The following ABLIM1 variants were observed in gnomAD, a reference collection of about 807,000 sequenced individuals.
ABLIM1 encodes the protein actin-binding LIM protein 1.
In ABLIM1, 40 loss-of-function variants were observed where a neutral mutation model predicts 107.0. The ratio of observed to expected loss-of-function variants is 0.37; its 90% CI spans 0.29 to 0.49. The LOEUF is 0.49. Ranked by LOEUF, ABLIM1 falls within the 20% of genes least tolerant of loss-of-function variation. The pLI is 0.97. For synonymous variants in ABLIM1, 357 were observed against 357.3 expected (o/e 1.00, Z 0.01); for missense variants, 857 against 1,008.5 (o/e 0.85, Z 2.04).
At chr10:114,474,632 C>A (rs901739051) in intron 8 of ABLIM1, among the ~76,000 whole-genome samples, 4 of 152,070 alleles carry the variant, frequency 2.6e-5, no homozygotes, top group Non-Finnish European at 5.9e-5. Context: ...TGCCCGCCTC[C>A]ACCTCCCCAA....
intron 6 of ABLIM1, among the ~76,000 whole-genome samples, chr10:114,504,394 T>C (rs1258565708): frequency 6.8e-6 from 1 of 146,392 alleles, no homozygotes; most frequent in Non-Finnish European, 1.5e-5. Flanking sequence ...CCCAACATCC[T>C]GCTACATGTT....
intron 12 of ABLIM1, among the ~76,000 whole-genome samples, chr10:114,462,678 GTTGCGTA>G (rs1245826854): frequency 2.6e-5 from 4 of 151,930 alleles, no homozygotes; most frequent in African/African-American, 9.7e-5. Context: ...GCTGAGACAC[GTTGCGTA>G]TTGAACCCAG....
intron 1 of ABLIM1, among the ~76,000 whole-genome samples, chr10:114,712,201 A>C (rs960050541): frequency 6.6e-6 from 1 of 151,856 alleles, no homozygotes; most frequent in African/African-American, 2.4e-5. Context: ...GAAAATACAA[A>C]AATTAGCCAG....
intron 1 of ABLIM1, among the ~76,000 whole-genome samples, chr10:114,651,786 C>A (rs934023483): frequency 3.9e-5 from 6 of 152,172 alleles, no homozygotes; most frequent in Non-Finnish European, 8.8e-5. Context: ...AACTGGCCAC[C>A]ACCTATCATC....
chr10:114,531,806 G>T (rs988588549), intron 6 of ABLIM1, among the ~76,000 whole-genome samples: 2 of 151,162 alleles, frequency 1.3e-5, no homozygotes, highest in African/African-American at 4.9e-5. Flanking sequence ...GTGAGCCACC[G>T]CCCTCCACCA....
At chr10:114,649,169 G>A (rs574864179) in intron 1 of ABLIM1, among the ~76,000 whole-genome samples, 6 of 152,006 alleles carry the variant, frequency 3.9e-5, no homozygotes, top group South Asian at 4.2e-4. Context: ...AGGCCGAGGC[G>A]GGCAGGTCAT....
chr10:114,732,062 A>G (rs1009214118), intron 1 of ABLIM1, among the ~76,000 whole-genome samples: 12 of 150,586 alleles, frequency 8.0e-5, no homozygotes, highest in African/African-American at 2.7e-4. Flanking sequence ...TAGTGTTCCA[A>G]TTTCTCTATA....
chr10:114,589,756 A>T (rs910103640), intron 2 of ABLIM1, among the ~76,000 whole-genome samples: 1 of 152,184 alleles, frequency 6.6e-6, no homozygotes, highest in Non-Finnish European at 1.5e-5. Context: ...ATGTTTTACA[A>T]AAGAGTCAAA....
At chr10:114,597,562 G>T (rs1318898623) in intron 2 of ABLIM1, among the ~76,000 whole-genome samples, 1 of 150,556 alleles carries the variant, frequency 6.6e-6, no homozygotes, top group Non-Finnish European at 1.5e-5. Context: ...GAGAAGGGAA[G>T]AAAAGGAAAG....
intron 2 of ABLIM1, among the ~76,000 whole-genome samples, chr10:114,589,188 C>A (rs1327788891): frequency 6.8e-6 from 1 of 146,484 alleles, no homozygotes; most frequent in Non-Finnish European, 1.5e-5. Flanking sequence ...CTGTACGATG[C>A]GTGTGTGTGT....
chr10:114,480,724 C>T (rs566060567), intron 8 of ABLIM1, among the ~76,000 whole-genome samples: 1 of 152,300 alleles, frequency 6.6e-6, no homozygotes, highest in South Asian at 2.1e-4. Flanking sequence ...TAAGAACCTT[C>T]TTGTTGATAT....
chr10:114,437,337 T>C (rs1182965782), intron 22 of ABLIM1, among the ~76,000 whole-genome samples: 1 of 151,118 alleles, frequency 6.6e-6, no homozygotes, highest in Admixed American at 6.6e-5. Flanking sequence ...TTTTTTTTTT[T>C]AGACGGAGTC....
At chr10:114,769,467 GAA>G (rs1394827197), upstream of ABLIM1, among the ~76,000 whole-genome samples, 2 of 84,610 alleles carry the variant, frequency 2.4e-5, no homozygotes, top group Admixed American at 1.1e-4. Flanking sequence ...AAGAAAGAAA[GAA>G]AGAAAGAAAG....
intron 6 of ABLIM1, chr10:114,526,799 T>C (rs2136785584): frequency 1.0e-6 from 1 of 985,518 alleles, no homozygotes; most frequent in Non-Finnish European, 1.2e-6. Flanking sequence ...GGCTCCCACC[T>C]GCCTGGGTTA....
intron 13 of ABLIM1, 33 bp downstream of exon 13, chr10:114,453,346 G>A (rs776307321): frequency 2.5e-6 from 4 of 1,601,250 alleles, no homozygotes; most frequent in Non-Finnish European, 1.7e-6. Context: ...CACTGTGACA[G>A]GACACCAAGA....
chr10:114,577,832 T>G (rs888590985), intron 2 of ABLIM1, among the ~76,000 whole-genome samples: 33 of 152,156 alleles, frequency 2.2e-4, no homozygotes, highest in African/African-American at 7.7e-4. Context: ...TTGATGTGAC[T>G]CCCAGAGGCA....
chr10:114,474,064 A>T (rs1352810747), intron 8 of ABLIM1, 108 bp from the exon 9 acceptor site: 3 of 756,048 alleles, frequency 4.0e-6, no homozygotes, highest in Non-Finnish European at 6.5e-6. Flanking sequence ...AAAAAGAAAC[A>T]CTTATCACCT....
At chr10:114,440,011 C>G in intron 20 of ABLIM1, 71 bp downstream of exon 20, 1 of 1,611,862 alleles carries the variant, frequency 6.2e-7, no homozygotes, top group South Asian at 1.1e-5. Flanking sequence ...TGCCTTGGAG[C>G]CAGCAGTCTG....
At chr10:114,642,945 C>T (rs1481123406) in intron 1 of ABLIM1, among the ~76,000 whole-genome samples, 5 of 152,044 alleles carry the variant, frequency 3.3e-5, no homozygotes, top group African/African-American at 1.2e-4. Context: ...CGAGAACCTG[C>T]CAAAAGAACC....
Sources: allele counts gnomAD v4.1 joint callset (sites outside exome capture counted in the v4.1 genomes callset), GRCh38; gene constraint gnomAD v4.1.1; transcripts MANE v1.5; gene names NCBI Gene and HGNC (gene_info 2026-07-23, HGNC 2026-07-21).